Variants in LGSN observed in about 807,000 individuals in gnomAD.
LGSN encodes the protein lengsin.
In LGSN, 21 loss-of-function variants were observed where a neutral mutation model predicts 19.5. The observed-to-expected ratio is 1.07, with a 90% CI of 0.76 to 1.55. The LOEUF (loss-of-function observed/expected upper bound fraction) is 1.55, where lower values mean the gene tolerates loss of function less well. LGSN is among the 40% of genes most tolerant of loss of function. The pLI is 0.00. For missense variants in LGSN, 673 were observed against 608.5 expected (o/e 1.11, Z -1.12); for synonymous variants, 257 against 215.6 (o/e 1.19, Z -1.68).
At chr6:63,354,810 T>G in the LGSN span, among the ~76,000 whole-genome samples, 1 of 152,014 alleles carries the variant, frequency 6.6e-6, no homozygotes, top group Non-Finnish European at 1.5e-5. Flanking sequence ...TAAAAAAGAA[T>G]GAGATAATAC....
the LGSN span, among the ~76,000 whole-genome samples, chr6:63,387,405 C>A: frequency 6.6e-6 from 1 of 151,926 alleles, no homozygotes. Context: ...TATTATATAT[C>A]TTTGTTGTAT....
chr6:63,320,163 A>G (rs769373409), upstream of LGSN, among the ~76,000 whole-genome samples: 4 of 152,182 alleles, frequency 2.6e-5, no homozygotes, highest in Non-Finnish European at 5.9e-5. Flanking sequence ...TCGAATGACA[A>G]ATGCTTGTTT....
chr6:63,280,240 G>A lies in LGSN; in HGVS notation c.1311C>T (p.Val437=), dbSNP rs1463101742. The A allele has an allele frequency of 6.2e-7, 1 of 1,614,214 alleles. No individual in the cohort carries two copies. Among genetic ancestry groups the A allele is most frequent in the Non-Finnish European group, 8.5e-7 (1 of 1,180,048 alleles). The change falls in exon 4 of 4, where the codon GTC becomes GTT. Residue 437 remains valine, a synonymous_variant. Coordinates refer to ENST00000370657, the MANE Select transcript of LGSN (RefSeq NM_016571.3). The part of the protein sequence containing the change: ...GLDGLHSSNE[V]LAGPDESTDF... The stretch of plus-strand genomic sequence containing the variant: ...CTGTGCTCTCATCTGGACCAGCCAA[G>A]ACCTCATTACTGCTATGAAGTCCAT...
At chr6:63,468,279 C>A in the LGSN span, among the ~76,000 whole-genome samples, 1 of 152,040 alleles carries the variant, frequency 6.6e-6, no homozygotes. Context: ...AGGCCCCCAC[C>A]ACCACACCCA....
the LGSN span, among the ~76,000 whole-genome samples, chr6:63,378,857 G>A: frequency 3.1e-4 from 47 of 152,224 alleles, no homozygotes; most frequent in Non-Finnish European, 6.2e-4. Flanking sequence ...GTGATTTGGG[G>A]GACAATATTC....
chr6:63,280,696 G>C lies in LGSN; in HGVS notation c.855C>G (p.Leu285=). ...GISSADNAFT[L]RTGVKEVARK... The stretch of plus-strand genomic sequence containing the variant: ...TTGCCACTTCTTTGACACCTGTTCT[G>C]AGGGTAAATGCATTATCAGCTGAGC... Residue 285 remains leucine, a synonymous_variant, in exon 4 of 4, where the codon CTC becomes CTG. Coordinates refer to ENST00000370657, the MANE Select transcript of LGSN (RefSeq NM_016571.3). 1 of 1,614,102 alleles carries C rather than the reference G, an allele frequency of 6.2e-7. No individual in the cohort carries two copies. The highest frequency in any genetic ancestry group is 8.5e-7 in the Non-Finnish European group (1 of 1,180,014).
the LGSN span, among the ~76,000 whole-genome samples, chr6:63,547,834 C>T: frequency 3.3e-5 from 5 of 152,122 alleles, no homozygotes; most frequent in Admixed American, 2.0e-4. Flanking sequence ...GTTAATGCTA[C>T]ACAGACCCCA....
chr6:63,356,633 G>A, the LGSN span, among the ~76,000 whole-genome samples: 1 of 152,072 alleles, frequency 6.6e-6, no homozygotes, highest in Non-Finnish European at 1.5e-5. Context: ...AGGTAAGGTA[G>A]TCAAAGATGT....
At chr6:63,409,344 A>T in the LGSN span, among the ~76,000 whole-genome samples, 2 of 152,228 alleles carry the variant, frequency 1.3e-5, no homozygotes, top group African/African-American at 4.8e-5. Context: ...TAATCTAGTC[A>T]GTCTATTCAG....
the LGSN span, among the ~76,000 whole-genome samples, chr6:63,430,679 C>T: frequency 6.6e-6 from 1 of 152,156 alleles, no homozygotes; most frequent in Non-Finnish European, 1.5e-5. Context: ...TGAACCACTG[C>T]ATCCAGCCTA....
the LGSN span, among the ~76,000 whole-genome samples, chr6:63,509,239 A>T: frequency 2.6e-5 from 4 of 151,782 alleles, no homozygotes; most frequent in African/African-American, 9.7e-5. Flanking sequence ...TAATTTTTGC[A>T]GTTTTAGTAG....
At chr6:63,343,350 C>T in the LGSN span, among the ~76,000 whole-genome samples, 1 of 152,160 alleles carries the variant, frequency 6.6e-6, no homozygotes, top group Non-Finnish European at 1.5e-5. Context: ...GAGTTCCTAT[C>T]ACTTTGAATT....
chr6:63,442,645 G>C, the LGSN span, among the ~76,000 whole-genome samples: 1 of 152,114 alleles, frequency 6.6e-6, no homozygotes, highest in East Asian at 1.9e-4. Flanking sequence ...CCTTGAGCTA[G>C]ACACAGAGTG....
chr6:63,565,353 T>C, the LGSN span, among the ~76,000 whole-genome samples: 1 of 152,150 alleles, frequency 6.6e-6, no homozygotes, highest in Admixed American at 6.5e-5. Flanking sequence ...CTTTCAGGTT[T>C]ATATTTAAAT....
At chr6:63,412,770 AGG>A in the LGSN span, among the ~76,000 whole-genome samples, 1 of 16,306 alleles carries the variant, frequency 6.1e-5, no homozygotes, top group South Asian at 2.7e-3. Context: ...AAAGAAAGAA[AGG>A]AAGGAAGGGA....
At chr6:63,474,404 C>G in the LGSN span, among the ~76,000 whole-genome samples, 20 of 151,136 alleles carry the variant, frequency 1.3e-4, no homozygotes, top group Admixed American at 2.0e-4. Flanking sequence ...GTCAGGAGAT[C>G]GAGACCATCC....
At chr6:63,422,617 G>A in the LGSN span, among the ~76,000 whole-genome samples, 2 of 152,042 alleles carry the variant, frequency 1.3e-5, no homozygotes, top group African/African-American at 4.8e-5. Flanking sequence ...GATAAGTTAT[G>A]TATATATAAC....
At chr6:63,287,382 T>C (rs1193637746) in intron 2 of LGSN, among the ~76,000 whole-genome samples, 1 of 152,086 alleles carries the variant, frequency 6.6e-6, no homozygotes, top group Non-Finnish European at 1.5e-5. Context: ...TAAAACAAAA[T>C]GTATAGGCAT....
chr6:63,347,449 T>G, the LGSN span, among the ~76,000 whole-genome samples: 1 of 152,214 alleles, frequency 6.6e-6, no homozygotes, highest in African/African-American at 2.4e-5. Flanking sequence ...TGCTCTTCAG[T>G]TAAGTTATAA....
Sources: gnomAD v4.1 joint callset for allele counts (sites outside exome capture counted in the v4.1 genomes callset) on GRCh38, gnomAD v4.1.1 for gene constraint, MANE v1.5 for transcripts, NCBI Gene and HGNC (gene_info 2026-07-23, HGNC 2026-07-21) for gene names.